The following PSMA1 variants were observed in gnomAD, a reference collection of about 807,000 sequenced individuals.
PSMA1 encodes proteasome subunit alpha type-1.
Under a neutral mutation model 38.4 loss-of-function variants are expected in PSMA1, and 3 were observed. The ratio of observed to expected loss-of-function variants is 0.08; its 90% confidence interval spans 0.04 to 0.20. The LOEUF (loss-of-function observed/expected upper bound fraction) is 0.20. PSMA1 is among the 10% of genes least tolerant of loss of function. The probability of loss-of-function intolerance (pLI) is 1.00; values close to 1 mark genes in which losing one functional copy is unlikely to be tolerated. For missense variants in PSMA1, 227 were observed against 325.3 expected (o/e 0.70, Z 2.32); for synonymous variants, 101 against 107.1 (o/e 0.94, Z 0.35).
intron 2 of PSMA1, among the ~76,000 whole-genome samples, chr11:14,568,766 G>A (rs1019928937): frequency 1.3e-5 from 2 of 152,228 alleles, no homozygotes; most frequent in Admixed American, 6.5e-5. Context: ...AGCTCTTAGT[G>A]TCTTGGCTGA....
At chr11:14,597,237 A>T (rs1852508810) in intron 2 of PSMA1, among the ~76,000 whole-genome samples, 1 of 152,222 alleles carries the variant, frequency 6.6e-6, no homozygotes, top group Admixed American at 6.5e-5. Context: ...ACGCTTTGGT[A>T]TCAAGATGAT....
intron 1 of PSMA1, among the ~76,000 whole-genome samples, chr11:14,621,087 CTG>C (rs1852838115): frequency 6.6e-6 from 1 of 152,076 alleles, no homozygotes; most frequent in Non-Finnish European, 1.5e-5. Flanking sequence ...GAGATGAAAA[CTG>C]TGAGTGTACT....
intron 2 of PSMA1, among the ~76,000 whole-genome samples, chr11:14,528,734 G>T (rs1375435717): frequency 6.6e-6 from 1 of 152,108 alleles, no homozygotes; most frequent in Non-Finnish European, 1.5e-5. Flanking sequence ...AGTGAAAATA[G>T]CCTTAACTGA....
At chr11:14,526,334 T>C (rs1851585193) in intron 2 of PSMA1, among the ~76,000 whole-genome samples, 1 of 152,172 alleles carries the variant, frequency 6.6e-6, no homozygotes, top group African/African-American at 2.4e-5. Flanking sequence ...TCTCCCTGAC[T>C]CATCCCAACC....
At chr11:14,565,975 C>T (rs1248667369) in intron 2 of PSMA1, among the ~76,000 whole-genome samples, 1 of 152,138 alleles carries the variant, frequency 6.6e-6, no homozygotes, top group African/African-American at 2.4e-5. Context: ...AAGCCATTAT[C>T]TGAAAGAAGA....
intron 7 of PSMA1, 131 bp downstream of exon 7, chr11:14,513,439 G>T (rs1851375477): frequency 9.9e-7 from 1 of 1,015,140 alleles, no homozygotes; most frequent in Non-Finnish European, 1.3e-6. Context: ...ACTCTTCATG[G>T]GCATAATTTT....
intron 1 of PSMA1, among the ~76,000 whole-genome samples, chr11:14,633,428 G>T (rs1211153028): frequency 6.6e-6 from 1 of 151,754 alleles, no homozygotes; most frequent in Non-Finnish European, 1.5e-5. Flanking sequence ...CTGCTGGGGG[G>T]TGCCTCCCAG....
chr11:14,521,330 ATAAT>A (rs1275488165), upstream of PSMA1, among the ~76,000 whole-genome samples: 13 of 121,312 alleles, frequency 1.1e-4, no homozygotes, highest in African/African-American at 2.7e-4. Flanking sequence ...AAGAATAAGA[ATAAT>A]AAAAAAAAAA....
chr11:14,526,758 C>G (rs535467704), intron 2 of PSMA1, among the ~76,000 whole-genome samples: 7 of 152,272 alleles, frequency 4.6e-5, no homozygotes, highest in Admixed American at 2.0e-4. Context: ...CTGACATTCA[C>G]TCCATTTTCC....
chr11:14,581,958 G>C (rs1852286330), intron 2 of PSMA1, among the ~76,000 whole-genome samples: 1 of 152,156 alleles, frequency 6.6e-6, no homozygotes, highest in Non-Finnish European at 1.5e-5. Context: ...CTTTGCCCCT[G>C]ATTCTTATTA....
chr11:14,521,135 G>GACATCTCTGCAAACAGCTGCCAA (rs140950469), upstream of PSMA1, among the ~76,000 whole-genome samples: 3 of 151,172 alleles, frequency 2.0e-5, no homozygotes, highest in Admixed American at 6.6e-5. Context: ...TAACGAAATA[G>GACATCTCTGCAAACAGCTGCCAA]TCTGACATCC....
At chr11:14,640,150 A>C (rs1287772207) in intron 1 of PSMA1, among the ~76,000 whole-genome samples, 6 of 152,190 alleles carry the variant, frequency 3.9e-5, no homozygotes, top group African/African-American at 1.4e-4. Context: ...GAAGTAAAAG[A>C]AGTTAGGGAA....
At chr11:14,551,338 T>C (rs11023254) in intron 2 of PSMA1, among the ~76,000 whole-genome samples, 1 of 152,152 alleles carries the variant, frequency 6.6e-6, no homozygotes, top group African/African-American at 2.4e-5. Flanking sequence ...GAGTTCAAAT[T>C]TAGAGTCCCT....
At chr11:14,596,043 C>T (rs1852488041) in intron 2 of PSMA1, among the ~76,000 whole-genome samples, 1 of 152,158 alleles carries the variant, frequency 6.6e-6, no homozygotes, top group Non-Finnish European at 1.5e-5. Flanking sequence ...TGTCAAAGAT[C>T]AGATGGTTGT....
At chr11:14,524,193 GTGTAGTTGTATGCACC>G (rs936769323), upstream of PSMA1, among the ~76,000 whole-genome samples, 4 of 151,348 alleles carry the variant, frequency 2.6e-5, no homozygotes, top group Non-Finnish European at 4.4e-5. Context: ...AATTAGCCAG[GTGTAGTTGTATGCACC>G]TGTAGTCCCA....
At chr11:14,528,404 G>A (rs1048170559) in intron 2 of PSMA1, among the ~76,000 whole-genome samples, 3 of 151,954 alleles carry the variant, frequency 2.0e-5, no homozygotes, top group Non-Finnish European at 4.4e-5. Flanking sequence ...AATACTATAT[G>A]ACAAATGCTT....
intron 1 of PSMA1, among the ~76,000 whole-genome samples, chr11:14,638,537 CTCTCTCTCTATATA>C (rs1286613109): frequency 1.3e-3 from 30 of 22,714 alleles, no homozygotes; most frequent in African/African-American, 2.7e-3. Flanking sequence ...CTCTCTCTCT[CTCTCTCTCTATATA>C]TATATATATA....
At chr11:14,553,988 A>G (rs1851915927) in intron 2 of PSMA1, among the ~76,000 whole-genome samples, 1 of 152,158 alleles carries the variant, frequency 6.6e-6, no homozygotes, top group Non-Finnish European at 1.5e-5. Context: ...TATTGTCATT[A>G]TTTTAGCCAT....
intron 2 of PSMA1, among the ~76,000 whole-genome samples, chr11:14,527,650 T>C (rs1851602367): frequency 6.6e-6 from 1 of 152,118 alleles, no homozygotes. Flanking sequence ...GAAACTAAAA[T>C]ACCTCTTGGT....
Sources: gnomAD v4.1 joint callset for allele counts (sites outside exome capture counted in the v4.1 genomes callset) on GRCh38, gnomAD v4.1.1 for gene constraint, MANE v1.5 for transcripts, NCBI Gene and HGNC (gene_info 2026-07-23, HGNC 2026-07-21) for gene names.